The following SLIT1 variants were observed in gnomAD, a reference collection of about 807,000 sequenced individuals.
The protein encoded by SLIT1 is slit guidance ligand 1.
Under a neutral mutation model 186.1 loss-of-function variants are expected in SLIT1, and 66 were observed. The ratio of observed to expected loss-of-function variants is 0.35; its 90% CI spans 0.29 to 0.44. SLIT1 has a LOEUF of 0.44. SLIT1 is among the 20% of genes least tolerant of loss of function. The pLI is 1.00. For missense variants in SLIT1, 1,638 were observed against 2,037.4 expected (o/e 0.80, Z 3.77); for synonymous variants, 761 against 833.8 (o/e 0.91, Z 1.50).
rs112156418 is a variant in SLIT1 at position 97,096,386 on chromosome 10, C to G, written c.414-30300G>C. 2.6e-3 allele frequency among the ~76,000 whole-genome samples: 395 copies of G among 152,244 alleles called. 2 individuals are homozygous for G. Among genetic ancestry groups the G allele is most frequent in the Non-Finnish European group, 4.3e-3 (293 of 67,998 alleles). ...TCGCCATCACGCCCTCGAGCCCCCC[C>G]GCCAGCGCCCTGTTCCCTCAACCCC... On this transcript the variant is annotated intron_variant, in intron 4 of 36. Coordinates refer to ENST00000266058, the MANE Select transcript of SLIT1 (RefSeq NM_003061.3).
chr10:97,064,375 C>T (rs542227571), intron 6 of SLIT1, 136 bp from the exon 7 acceptor site: 5 of 737,078 alleles, frequency 6.8e-6, no homozygotes, highest in South Asian at 3.2e-5. Context: ...GGAGCTAAGC[C>T]GAAGAGCATG....
At chr10:97,107,981 G>C (rs1433862161) in intron 4 of SLIT1, among the ~76,000 whole-genome samples, 2 of 152,202 alleles carry the variant, frequency 1.3e-5, no homozygotes, top group Admixed American at 1.3e-4. Flanking sequence ...TGAGGCTCCG[G>C]TCCGGGGGCA....
chr10:97,054,777 T>C (rs1848822325), intron 13 of SLIT1, among the ~76,000 whole-genome samples: 1 of 152,176 alleles, frequency 6.6e-6, no homozygotes, highest in Non-Finnish European at 1.5e-5. Flanking sequence ...TGATGCAGTG[T>C]CTTCAACAAA....
intron 1 of SLIT1, among the ~76,000 whole-genome samples, chr10:97,185,207 G>A (rs988931749): frequency 1.3e-5 from 2 of 152,260 alleles, no homozygotes; most frequent in African/African-American, 4.8e-5. Flanking sequence ...CAGTGAGGAG[G>A]GCCTGAGGGT....
chr10:97,046,000 C>A (rs532153996), intron 18 of SLIT1, among the ~76,000 whole-genome samples: 1 of 152,228 alleles, frequency 6.6e-6, no homozygotes, highest in African/African-American at 2.4e-5. Context: ...TGCTCCACAG[C>A]CACATGAAGT....
At chr10:97,163,086 C>T (rs1391960704) in intron 3 of SLIT1, among the ~76,000 whole-genome samples, 1 of 152,216 alleles carries the variant, frequency 6.6e-6, no homozygotes, top group East Asian at 1.9e-4. Flanking sequence ...GAAGAAATGT[C>T]ACTTCCTCTG....
intron 4 of SLIT1, among the ~76,000 whole-genome samples, chr10:97,087,679 T>C (rs1849179884): frequency 6.6e-6 from 1 of 152,098 alleles, no homozygotes; most frequent in East Asian, 1.9e-4. Context: ...TCGGCTCCTG[T>C]CCTGAGTATC....
At chr10:97,001,875 G>A (rs868715363) in intron 36 of SLIT1, among the ~76,000 whole-genome samples, 3 of 152,112 alleles carry the variant, frequency 2.0e-5, no homozygotes, top group African/African-American at 2.4e-5. Context: ...CCAAGAGGCA[G>A]AGGTTGGGCC....
At chr10:97,158,521 G>T (rs1297517911) in intron 3 of SLIT1, among the ~76,000 whole-genome samples, 1 of 151,990 alleles carries the variant, frequency 6.6e-6, no homozygotes, top group African/African-American at 2.4e-5. Context: ...AATTAGCCAG[G>T]CATGGTGGCA....
Position 97,164,807 on chromosome 10 carries a change from C to G in SLIT1, c.269+12G>C. On this transcript the variant is annotated intron_variant, in intron 2 of 36. Coordinates refer to ENST00000266058, the MANE Select transcript of SLIT1 (RefSeq NM_003061.3). ...GCCAGGGGTGGGGTGGGAGGGAGCA[C>G]CCCATACTCACAGCACCCGCAGCTG... 6.2e-7 allele frequency: 1 copy of G among 1,606,970 alleles called. No individual in the cohort carries two copies. The highest frequency in any genetic ancestry group is 8.5e-7 in the Non-Finnish European group (1 of 1,173,666).
chr10:97,101,142 G>A (rs553422119), intron 4 of SLIT1, among the ~76,000 whole-genome samples: 4 of 152,280 alleles, frequency 2.6e-5, no homozygotes, highest in South Asian at 2.1e-4. Context: ...CAGAAGCCTC[G>A]CAAGGAGACC....
chr10:97,172,173 G>A (rs188134412), intron 1 of SLIT1, among the ~76,000 whole-genome samples: 163 of 152,038 alleles, frequency 1.1e-3, no homozygotes, highest in African/African-American at 3.8e-3. Context: ...CTCCCAAGTA[G>A]CTGGGATTAC....
chr10:97,014,590 G>A (rs1848438843), intron 28 of SLIT1, among the ~76,000 whole-genome samples: 1 of 152,202 alleles, frequency 6.6e-6, no homozygotes, highest in South Asian at 2.1e-4. Flanking sequence ...GGAGTGGCCA[G>A]GTGCGGTGGC....
intron 4 of SLIT1, among the ~76,000 whole-genome samples, chr10:97,115,048 T>C (rs552550036): frequency 6.6e-6 from 1 of 152,312 alleles, no homozygotes; most frequent in African/African-American, 2.4e-5. Context: ...TCAGAGTAGA[T>C]GCTCAGCAAA....
At chr10:97,015,193 C>G (rs1322282376) in intron 28 of SLIT1, among the ~76,000 whole-genome samples, 1 of 152,226 alleles carries the variant, frequency 6.6e-6, no homozygotes, top group Non-Finnish European at 1.5e-5. Flanking sequence ...CCAGCCCCAG[C>G]CCTTACAGAC....
chr10:97,103,703 T>A (rs1589394954), intron 4 of SLIT1: 2 of 152,134 alleles, frequency 1.3e-5, no homozygotes, highest in East Asian at 3.8e-4. Flanking sequence ...AACAAAAACA[T>A]TGTTCAAAAT....
chr10:97,135,463 A>T (rs1005098106), intron 4 of SLIT1, among the ~76,000 whole-genome samples: 1 of 152,168 alleles, frequency 6.6e-6, no homozygotes, highest in African/African-American at 2.4e-5. Flanking sequence ...TTTGGGAGGT[A>T]GAAAGCAACA....
Position 97,014,145 on chromosome 10 carries a change from T to C in SLIT1, c.2983A>G (p.Thr995Ala). 1.2e-6 allele frequency: 2 copies of C among 1,613,788 alleles called. No homozygotes were observed. ...CCACAGGTTGGTCCTTCAAAGCCGG[T>C]GGGACAGGAGCACCTGTGCGGGGAA... is the stretch of plus-strand genomic sequence containing the variant. ...EDAPFTCSCP[T>A]GFEGPTCGVN... is the part of the protein sequence containing the mutation. The change falls in exon 29 of 37, where the codon ACC becomes GCC. Residue 995 changes from threonine (T) to alanine (A), a missense_variant. Thr to Ala is a moderately conservative substitution (Grantham distance 58). This residue lies in a region of SLIT1 where 1,245 missense variants were observed against 1,535.3 expected (regional missense o/e 0.81). Coordinates refer to ENST00000266058, the MANE Select transcript of SLIT1 (RefSeq NM_003061.3).
intron 16 of SLIT1, among the ~76,000 whole-genome samples, 163 bp from the exon 17 acceptor site, chr10:97,047,228 G>C (rs1848742704): frequency 3.3e-5 from 5 of 152,214 alleles, no homozygotes; most frequent in Admixed American, 2.6e-4. Flanking sequence ...CTAGTACTGG[G>C]AGAGGATATG....
Sources: allele counts gnomAD v4.1 joint callset (sites outside exome capture counted in the v4.1 genomes callset), GRCh38; gene constraint gnomAD v4.1.1; regional missense constraint gnomAD v4.1.1; transcripts MANE v1.5; gene names NCBI Gene and HGNC (gene_info 2026-07-23, HGNC 2026-07-21).